Variants in THSD7A observed in about 807,000 individuals in gnomAD.
THSD7A encodes thrombospondin type 1 domain containing 7A, also known as thrombospondin type-1 domain-containing protein 7A.
THSD7A carries 96 observed loss-of-function variants against 231.3 expected under a neutral mutation model. The observed-to-expected ratio is 0.41, with a 90% confidence interval of 0.35 to 0.49. The LOEUF (loss-of-function observed/expected upper bound fraction) is 0.49. Ranked by LOEUF, THSD7A falls within the 20% of genes least tolerant of loss-of-function variation. The pLI, the probability that THSD7A is intolerant of heterozygous loss-of-function variation, is 0.05. For missense variants in THSD7A, 2,290 were observed against 2,070.2 expected, an observed-to-expected ratio of 1.11 and a Z score of -2.06; for synonymous variants, 940 against 743.3, an observed-to-expected ratio of 1.26 and a Z score of -4.30.
At chr7:11,822,458 A>C (rs923680130) in intron 1 of THSD7A, among the ~76,000 whole-genome samples, 1 of 152,096 alleles carries the variant, frequency 6.6e-6, no homozygotes, top group African/African-American at 2.4e-5. Flanking sequence ...CTGTTGATGG[A>C]CACTTAGGTT....
At chr7:11,820,898 A>G in intron 1 of THSD7A, 1 of 891,296 alleles carries the variant, frequency 1.1e-6, no homozygotes, top group South Asian at 1.4e-5. Context: ...AGTCTCGGGA[A>G]TTCACTGATT....
intron 4 of THSD7A, among the ~76,000 whole-genome samples, chr7:11,549,645 G>T (rs962642668): frequency 6.6e-6 from 1 of 152,136 alleles, no homozygotes; most frequent in Non-Finnish European, 1.5e-5. Context: ...GATGGAGCTG[G>T]AAGCCATTAT....
chr7:11,827,304 AC>A (rs1349145312), intron 1 of THSD7A, among the ~76,000 whole-genome samples: 1 of 152,116 alleles, frequency 6.6e-6, no homozygotes, highest in Non-Finnish European at 1.5e-5. Context: ...TATCTTTTCT[AC>A]CATGTTGTTT....
Position 11,376,616 on chromosome 7 carries a change from C to A in THSD7A, c.4843G>T (p.Ala1615Ser), listed in dbSNP as rs769365127. 10 of 1,588,390 alleles carry A rather than the reference C, an allele frequency of 6.3e-6. No individual in the cohort carries two copies. The highest frequency in any genetic ancestry group is 8.6e-6 in the Non-Finnish European group (10 of 1,166,644). ...ACAATAAAGATGAGTAACACAAATG[C>A]CCCAGCTGCTACACCGTAAACCCAG... Reference protein sequence around the residue: ...KTWVYGVAAGAFVLLIFIVSM... With the variant: ...KTWVYGVAAGSFVLLIFIVSM... The change falls in exon 27 of 28, where the codon GCA becomes TCA. Residue 1615 changes from alanine (A) to serine (S), a missense_variant. Coordinates refer to ENST00000423059, the MANE Select transcript of THSD7A (RefSeq NM_015204.3).
chr7:11,513,228 T>C (rs1298409692), intron 6 of THSD7A, among the ~76,000 whole-genome samples: 2 of 151,646 alleles, frequency 1.3e-5, no homozygotes, highest in African/African-American at 2.4e-5. Context: ...CGGGTGATGG[T>C]TGCAGCAGGA....
chr7:11,785,087 T>C (rs1003917343), intron 1 of THSD7A, among the ~76,000 whole-genome samples: 1 of 152,118 alleles, frequency 6.6e-6, no homozygotes, highest in Non-Finnish European at 1.5e-5. Flanking sequence ...CCCATAGCAT[T>C]GTTTCCTGTC....
intron 1 of THSD7A, among the ~76,000 whole-genome samples, chr7:11,665,556 T>C (rs1783098653): frequency 6.6e-6 from 1 of 152,144 alleles, no homozygotes; most frequent in South Asian, 2.1e-4. Context: ...ATTACTACCC[T>C]TCCACAATAT....
intron 4 of THSD7A, among the ~76,000 whole-genome samples, chr7:11,546,975 T>C (rs1332926446): frequency 6.6e-6 from 1 of 152,118 alleles, no homozygotes; most frequent in Non-Finnish European, 1.5e-5. Flanking sequence ...TGAAGAGTGG[T>C]TCTTCAAATC....
chr7:11,823,372 G>A (rs889564325), intron 1 of THSD7A, among the ~76,000 whole-genome samples: 1 of 151,998 alleles, frequency 6.6e-6, no homozygotes, highest in African/African-American at 2.4e-5. Context: ...AATATAATTT[G>A]AAATTGGGTA....
intron 1 of THSD7A, among the ~76,000 whole-genome samples, chr7:11,773,882 C>T (rs559042510): frequency 9.9e-5 from 15 of 152,084 alleles, no homozygotes; most frequent in South Asian, 4.2e-4. Flanking sequence ...CAATCTAACC[C>T]ACAGAAAACA....
chr7:11,428,737 T>C (rs1784394499), intron 14 of THSD7A, among the ~76,000 whole-genome samples: 1 of 152,210 alleles, frequency 6.6e-6, no homozygotes, highest in South Asian at 2.1e-4. Context: ...CATATTCATA[T>C]ATACTTGCAA....
intron 6 of THSD7A, among the ~76,000 whole-genome samples, chr7:11,499,495 G>C (rs1176372097): frequency 6.6e-6 from 1 of 152,186 alleles, no homozygotes; most frequent in Non-Finnish European, 1.5e-5. Context: ...GACAGAAATA[G>C]AATTCATAAT....
chr7:11,600,253 A>G (rs1780503395), intron 2 of THSD7A, among the ~76,000 whole-genome samples: 1 of 152,182 alleles, frequency 6.6e-6, no homozygotes, highest in Non-Finnish European at 1.5e-5. Flanking sequence ...TTTACAGGCA[A>G]TTATAATTAT....
At chr7:11,620,667 T>C (rs915664799) in intron 2 of THSD7A, among the ~76,000 whole-genome samples, 2 of 152,200 alleles carry the variant, frequency 1.3e-5, no homozygotes, top group East Asian at 3.9e-4. Flanking sequence ...AGAAAGACAC[T>C]TTCAAGTAGT....
chr7:11,592,221 C>T (rs1423111131), intron 3 of THSD7A, among the ~76,000 whole-genome samples: 1 of 152,008 alleles, frequency 6.6e-6, no homozygotes, highest in African/African-American at 2.4e-5. Flanking sequence ...ATGGATGAGT[C>T]CAAAGTGCTG....
At chr7:11,706,415 A>G (rs1314567483) in intron 1 of THSD7A, among the ~76,000 whole-genome samples, 1 of 150,940 alleles carries the variant, frequency 6.6e-6, no homozygotes, top group East Asian at 2.0e-4. Flanking sequence ...AAACTCAGAA[A>G]GTAAAGAAAA....
intron 4 of THSD7A, among the ~76,000 whole-genome samples, chr7:11,572,678 A>AT (rs57930616): frequency 0.019 from 2,762 of 146,978 alleles, 31 homozygotes; most frequent in Middle Eastern, 0.035. Context: ...CAGCAAATTA[A>AT]TTTTTTTTTT....
chr7:11,710,912 G>T (rs1480691309), intron 1 of THSD7A, among the ~76,000 whole-genome samples: 1 of 150,568 alleles, frequency 6.6e-6, no homozygotes, highest in Non-Finnish European at 1.5e-5. Flanking sequence ...TACCCTATTT[G>T]ATAAAATAAT....
At chr7:11,511,956 C>G (rs1354420803) in intron 6 of THSD7A, among the ~76,000 whole-genome samples, 1 of 152,136 alleles carries the variant, frequency 6.6e-6, no homozygotes, top group African/African-American at 2.4e-5. Flanking sequence ...AACTAAAGAG[C>G]TTCTGCACAG....
Sources: gnomAD v4.1 joint callset for allele counts (sites outside exome capture counted in the v4.1 genomes callset) on GRCh38, gnomAD v4.1.1 for gene constraint, MANE v1.5 for transcripts, NCBI Gene and HGNC (gene_info 2026-07-23, HGNC 2026-07-21) for gene names.